The following SIN3B variants were observed in gnomAD, a reference collection of about 807,000 sequenced individuals.
The protein encoded by SIN3B is paired amphipathic helix protein Sin3b.
A neutral mutation model predicts 120.2 loss-of-function variants in SIN3B; 19 were observed. The ratio of observed to expected loss-of-function variants is 0.16; its 90% confidence interval spans 0.11 to 0.23. SIN3B has a LOEUF of 0.23. Among genes scored for constraint, SIN3B ranks in the 10% least tolerant of loss-of-function variants. The pLI, the probability that SIN3B is intolerant of heterozygous loss-of-function variation, is 1.00. For synonymous variants in SIN3B, 654 were observed against 653.2 expected (o/e 1.00, Z -0.02); for missense variants, 1,073 against 1,573.0 (o/e 0.68, Z 5.38).
At chr19:16,852,258 C>G (rs537675909) in intron 6 of SIN3B, among the ~76,000 whole-genome samples, 1 of 152,194 alleles carries the variant, frequency 6.6e-6, no homozygotes, top group African/African-American at 2.4e-5. Context: ...TTCCTGTGTC[C>G]TTTTGGCATG....
chr19:16,857,018 T>C (rs1337518711), intron 8 of SIN3B, among the ~76,000 whole-genome samples: 1 of 152,206 alleles, frequency 6.6e-6, no homozygotes, highest in African/African-American at 2.4e-5. Context: ...AAGATAACTT[T>C]GCCATGAAGC....
Position 16,878,729 on chromosome 19 carries a change from C to T in SIN3B, c.*2C>T. 1 of 1,593,520 alleles carries T rather than the reference C, an allele frequency of 6.3e-7. No homozygotes were observed. Among genetic ancestry groups the T allele is most frequent in the Non-Finnish European group, 8.5e-7 (1 of 1,173,278 alleles). ...AGCCGCCGCCCGGCCTCGCCCTGAC[C>T]CGCCCTCATGGGCACCGGGCAGGCG... On this transcript the variant is annotated 3_prime_UTR_variant, in exon 19 of 19. Transcript: ENST00000248054.
At chr19:16,855,849 A>C (rs994277567) in intron 8 of SIN3B, 2 of 152,010 alleles carry the variant, frequency 1.3e-5, no homozygotes, top group African/African-American at 4.8e-5. Context: ...TGATGTCAGG[A>C]ATTAGAGACC....
At position 16,863,673 on chromosome 19, in the gene SIN3B, G is replaced by C. The variant is rs747901929; in HGVS notation, c.1267-7G>C. The stretch of plus-strand genomic sequence containing the variant: ...AGCGTCATTCACGGCATTTCCTCTT[G>C]GTGCAGGTACTGAACGACACCTGGG... On this transcript the variant is annotated splice_polypyrimidine_tract_variant and splice_region_variant and intron_variant, in intron 9 of 18. Transcript: ENST00000248054. 3.2e-6 allele frequency: 5 copies of C among 1,586,132 alleles called. No homozygotes were observed. The South Asian group carries it at 4.4e-5, about 14-fold the overall frequency.
At chr19:16,870,507 C>A (rs895167986) in intron 13 of SIN3B, among the ~76,000 whole-genome samples, 2 of 151,968 alleles carry the variant, frequency 1.3e-5, no homozygotes, top group East Asian at 3.9e-4. Flanking sequence ...GCCTTAGCCT[C>A]CCAAGTAGCT....
intron 5 of SIN3B, among the ~76,000 whole-genome samples, chr19:16,847,885 A>C (rs1260599257): frequency 1.3e-5 from 2 of 152,150 alleles, no homozygotes; most frequent in Non-Finnish European, 2.9e-5. Context: ...AAGGAGACCC[A>C]GTCCCCATCA....
intron 7 of SIN3B, 93 bp from the exon 8 acceptor site, chr19:16,854,050 T>C (rs2099074659): frequency 1.2e-6 from 1 of 827,910 alleles, no homozygotes; most frequent in East Asian, 2.5e-5. Flanking sequence ...TTGGTTCCCA[T>C]ATCGCACACC....
In SIN3B at chr19:16,862,587, G is replaced by C. The variant is rs535662362; in HGVS notation, c.1266+28G>C. ...AGCGCTCCCTGGGGCTCAAATGTTC[G>C]TTGACATGGTGCATCCCCCACCCCT... On this transcript the variant is annotated intron_variant, in intron 9 of 18. Transcript: ENST00000248054. The surrounding 1 kb of genome is among the most constrained non-coding windows in gnomAD (Gnocchi z 4.7). The C allele has an allele frequency of 6.3e-7, 1 of 1,585,364 alleles. No individual in the cohort carries two copies. The highest frequency in any genetic ancestry group is 8.6e-7 in the Non-Finnish European group (1 of 1,160,526).
intron 2 of SIN3B, 118 bp downstream of exon 2, chr19:16,830,015 T>C (rs1054738049): frequency 1.5e-6 from 1 of 674,164 alleles, no homozygotes; most frequent in Non-Finnish European, 2.7e-6. Flanking sequence ...GCGCAGGTTG[T>C]CCAATCTCTC....
chr19:16,871,665 C>G (rs2051513533), intron 14 of SIN3B: 1 of 406,696 alleles, frequency 2.5e-6, no homozygotes, highest in Non-Finnish European at 4.4e-6. Flanking sequence ...CCATCCCCAT[C>G]AGCAGCCACT....
intron 4 of SIN3B, among the ~76,000 whole-genome samples, chr19:16,843,161 A>G (rs900843676): frequency 6.6e-6 from 1 of 151,920 alleles, no homozygotes; most frequent in South Asian, 2.1e-4. Context: ...GCAGTGGCTC[A>G]ATCTCAGCTC....
intron 9 of SIN3B, chr19:16,863,239 T>C: frequency 2.0e-6 from 1 of 511,046 alleles, no homozygotes. Flanking sequence ...TGGTTTCAAC[T>C]AACCATGGAT....
chr19:16,846,951 C>G lies in SIN3B; in HGVS notation c.583-19C>G, dbSNP rs188277997. The G allele has an allele frequency of 6.2e-7, 1 of 1,612,214 alleles. No individual in the cohort carries two copies. Among genetic ancestry groups the G allele is most frequent in the Admixed American group, 1.7e-5 (1 of 59,944 alleles). ...CTCCTTGACTAACGACTTATTTTCC[C>G]TTTCCTGAAAACTGGCAGAAGGAGC... On this transcript the variant is annotated intron_variant, in intron 4 of 18. Transcript: ENST00000248054.
intron 17 of SIN3B, 96 bp from the exon 18 acceptor site, chr19:16,878,087 C>A: frequency 9.4e-7 from 1 of 1,068,648 alleles, no homozygotes; most frequent in African/African-American, 1.6e-5. Context: ...GGTAGCACAT[C>A]TTCTGATGGT....
chr19:16,846,335 C>T (rs1298013078), intron 4 of SIN3B: 2 of 152,234 alleles, frequency 1.3e-5, no homozygotes, highest in Non-Finnish European at 2.9e-5. Flanking sequence ...ACAGGGATTC[C>T]TCCTGCTTTG....
intron 3 of SIN3B, among the ~76,000 whole-genome samples, chr19:16,834,741 G>T (rs960990537): frequency 6.6e-6 from 1 of 151,992 alleles, no homozygotes. Flanking sequence ...GCTGTTGTTT[G>T]TGTGGCTTCA....
intron 5 of SIN3B, among the ~76,000 whole-genome samples, chr19:16,850,859 G>A (rs964743837): frequency 1.3e-5 from 2 of 152,228 alleles, no homozygotes; most frequent in African/African-American, 4.8e-5. Context: ...GCTGGAGCCT[G>A]GGAGGCAGGC....
chr19:16,870,384 TTTC>T (rs1425609839), intron 13 of SIN3B, among the ~76,000 whole-genome samples: 2 of 130,640 alleles, frequency 1.5e-5, no homozygotes, highest in Non-Finnish European at 3.3e-5. Context: ...ACCCTTTTTC[TTTC>T]TTTTTTTTTT....
intron 5 of SIN3B, among the ~76,000 whole-genome samples, chr19:16,848,801 T>G (rs961017091): frequency 6.6e-6 from 1 of 151,982 alleles, no homozygotes; most frequent in Non-Finnish European, 1.5e-5. Context: ...GCGCCCGGCC[T>G]ACTTTTATTT....
Sources: allele counts gnomAD v4.1 joint callset (sites outside exome capture counted in the v4.1 genomes callset), GRCh38; gene constraint gnomAD v4.1.1; non-coding constraint Gnocchi (gnomAD v3.1); transcripts MANE v1.5; gene names NCBI Gene and HGNC (gene_info 2026-07-23, HGNC 2026-07-21).